Variants in RSF1 observed in about 807,000 individuals in gnomAD.
RSF1 encodes remodeling and spacing factor 1.
In RSF1, 13 loss-of-function variants were observed where a neutral mutation model predicts 145.2. That is an observed-to-expected ratio of 0.09 (90% CI 0.06 to 0.14). The LOEUF is 0.14. RSF1 is among the 10% of genes least tolerant of loss of function. The pLI is 1.00. For synonymous variants in RSF1, 577 were observed against 592.6 expected, an observed-to-expected ratio of 0.97 and a Z score of 0.38; for missense variants, 1,517 against 1,718.2, an observed-to-expected ratio of 0.88 and a Z score of 2.07.
At chr11:77,849,677 C>G in the RSF1 span, among the ~76,000 whole-genome samples, 1 of 151,940 alleles carries the variant, frequency 6.6e-6, no homozygotes, top group African/African-American at 2.4e-5. Context: ...CCAAGTTATC[C>G]TTTCACTCTC....
chr11:77,709,171 T>C (rs1040300802), intron 5 of RSF1, among the ~76,000 whole-genome samples: 5 of 152,294 alleles, frequency 3.3e-5, no homozygotes, highest in Admixed American at 6.5e-5. Flanking sequence ...TCAGATCCTT[T>C]AGGACTCTAC....
chr11:77,776,778 G>A (rs965162613), intron 1 of RSF1, among the ~76,000 whole-genome samples: 1 of 152,082 alleles, frequency 6.6e-6, no homozygotes, highest in African/African-American at 2.4e-5. Context: ...ACAATCAAAT[G>A]GAACACCAGC....
the RSF1 span, among the ~76,000 whole-genome samples, chr11:77,828,295 C>G: frequency 6.6e-6 from 1 of 151,442 alleles, no homozygotes; most frequent in Admixed American, 6.6e-5. Flanking sequence ...AATACACAAA[C>G]AGCAAAAAAA....
intron 6 of RSF1, among the ~76,000 whole-genome samples, chr11:77,700,476 T>C (rs1960391328): frequency 6.6e-6 from 1 of 151,708 alleles, no homozygotes; most frequent in Admixed American, 6.6e-5. Flanking sequence ...ATTCTACAGG[T>C]TGGATATTAT....
chr11:77,722,504 G>C (rs1055042337), intron 5 of RSF1, among the ~76,000 whole-genome samples: 1 of 152,082 alleles, frequency 6.6e-6, no homozygotes, highest in Admixed American at 6.6e-5. Context: ...AAAAACTCCC[G>C]AAGTGAACAC....
chr11:77,756,910 G>A (rs1948121844), intron 2 of RSF1, among the ~76,000 whole-genome samples: 1 of 152,296 alleles, frequency 6.6e-6, no homozygotes, highest in African/African-American at 2.4e-5. Flanking sequence ...GAGAGGAAGA[G>A]ACAATCGTAA....
the RSF1 span, among the ~76,000 whole-genome samples, chr11:77,828,002 A>G: frequency 3.9e-5 from 6 of 152,308 alleles, no homozygotes; most frequent in East Asian, 1.9e-4. Context: ...GACCAGGCAC[A>G]GTGGCTCCTG....
intron 4 of RSF1, among the ~76,000 whole-genome samples, chr11:77,726,657 T>C (rs1961060381): frequency 1.3e-5 from 2 of 152,190 alleles, no homozygotes; most frequent in African/African-American, 2.4e-5. Flanking sequence ...GTTCTAGATA[T>C]GCCACTAGAT....
chr11:77,779,564 T>G (rs1948382982), intron 1 of RSF1, among the ~76,000 whole-genome samples: 1 of 151,994 alleles, frequency 6.6e-6, no homozygotes, highest in Non-Finnish European at 1.5e-5. Context: ...GTAGTTTTAG[T>G]AGAGATGGGG....
the RSF1 span, among the ~76,000 whole-genome samples, chr11:77,863,794 T>C: frequency 6.6e-6 from 1 of 151,794 alleles, no homozygotes. Context: ...AGATGACAGG[T>C]GTGAGCCTCT....
At chr11:77,670,716 T>C (rs1424955253) in intron 15 of RSF1, among the ~76,000 whole-genome samples, 3 of 152,168 alleles carry the variant, frequency 2.0e-5, no homozygotes, top group Non-Finnish European at 4.4e-5. Context: ...TTCCCTTCTT[T>C]AGCATCCCAC....
chr11:77,715,324 A>G (rs1475701380), intron 5 of RSF1, among the ~76,000 whole-genome samples: 2 of 152,264 alleles, frequency 1.3e-5, no homozygotes, highest in Non-Finnish European at 2.9e-5. Flanking sequence ...GATGGTGATA[A>G]TAAAGAGTAT....
intron 15 of RSF1, among the ~76,000 whole-genome samples, chr11:77,671,197 GTATATATATATACAC>G (rs1177568339): frequency 2.3e-5 from 2 of 87,968 alleles, no homozygotes; most frequent in African/African-American, 1.0e-4. Context: ...ATATATGTGT[GTATATATATATACAC>G]TATATATATA....
intron 2 of RSF1, among the ~76,000 whole-genome samples, chr11:77,748,420 T>A (rs1948025939): frequency 6.6e-6 from 1 of 151,906 alleles, no homozygotes; most frequent in South Asian, 2.1e-4. Flanking sequence ...AGACGGGGTT[T>A]CTTCATGTTG....
intron 1 of RSF1, among the ~76,000 whole-genome samples, chr11:77,792,751 AC>A (rs747701101): frequency 2.1e-3 from 314 of 149,400 alleles, no homozygotes; most frequent in African/African-American, 6.6e-3. Context: ...AAAAAAAAAA[AC>A]TGCCAATCAA....
upstream of RSF1, among the ~76,000 whole-genome samples, chr11:77,825,698 GTT>G (rs1250441260): frequency 7.2e-6 from 1 of 139,306 alleles, no homozygotes. Context: ...CATTTTTTTT[GTT>G]TTTTTTTTTT....
At chr11:77,796,341 C>A (rs560080324) in intron 1 of RSF1, among the ~76,000 whole-genome samples, 1 of 152,264 alleles carries the variant, frequency 6.6e-6, no homozygotes, top group South Asian at 2.1e-4. Flanking sequence ...CCCTGGGATG[C>A]AAGGCTGGTT....
chr11:77,721,898 C>T (rs550142877), intron 5 of RSF1, among the ~76,000 whole-genome samples: 10 of 152,174 alleles, frequency 6.6e-5, no homozygotes, highest in Non-Finnish European at 1.3e-4. Flanking sequence ...GTAGGCTGTG[C>T]GCAGTTGCTC....
At chr11:77,802,076 G>C (rs978522261) in intron 1 of RSF1, among the ~76,000 whole-genome samples, 1 of 152,090 alleles carries the variant, frequency 6.6e-6, no homozygotes, top group Non-Finnish European at 1.5e-5. Flanking sequence ...TCATGTGCTG[G>C]GGGACAGAAG....
Sources: allele counts gnomAD v4.1 joint callset (sites outside exome capture counted in the v4.1 genomes callset), GRCh38; gene constraint gnomAD v4.1.1; transcripts MANE v1.5; gene names NCBI Gene and HGNC (gene_info 2026-07-23, HGNC 2026-07-21).